The following TRRAP variants were observed in gnomAD, a reference collection of about 807,000 sequenced individuals.
TRRAP encodes the protein transformation/transcription domain-associated protein.
Under a neutral mutation model 438.8 loss-of-function variants are expected in TRRAP, and 41 were observed. That is an observed-to-expected ratio of 0.09 (90% confidence interval 0.07 to 0.12). The LOEUF (loss-of-function observed/expected upper bound fraction) is 0.12, where lower values mean the gene tolerates loss of function less well. Ranked by LOEUF, TRRAP falls within the 10% of genes least tolerant of loss-of-function variation. TRRAP has a pLI of 1.00. For synonymous variants in TRRAP, 1,994 were observed against 1,962.9 expected (o/e 1.02, Z -0.42); for missense variants, 3,122 against 5,055.1 (o/e 0.62, Z 11.60).
intron 65 of TRRAP, 141 bp downstream of exon 65, chr7:98,992,368 C>T (rs1419483996): frequency 1.2e-6 from 1 of 804,726 alleles, no homozygotes; most frequent in Non-Finnish European, 2.0e-6. Context: ...GTGGGCAGCA[C>T]CGTAGGGCAG....
chr7:98,905,593 G>A (rs1293814741), intron 12 of TRRAP, among the ~76,000 whole-genome samples: 1 of 152,188 alleles, frequency 6.6e-6, no homozygotes, highest in African/African-American at 2.4e-5. Context: ...GACGCAGAGA[G>A]TAAGTTTAGG....
intron 3 of TRRAP, among the ~76,000 whole-genome samples, chr7:98,889,559 AAAAAT>A (rs1381046071): frequency 2.0e-5 from 3 of 148,248 alleles, no homozygotes; most frequent in Non-Finnish European, 3.0e-5. Flanking sequence ...TTTTTTTAAA[AAAAAT>A]AGAGACAGGA....
Position 98,967,546 on chromosome 7 carries a change from C to G in TRRAP, c.7360C>G (p.Leu2454Val). The G allele has an allele frequency of 6.2e-7, 1 of 1,614,116 alleles. No individual in the cohort carries two copies. The highest frequency in any genetic ancestry group is 8.5e-7 in the Non-Finnish European group (1 of 1,180,026). The change falls in exon 51 of 73, where the codon CTG becomes GTG. Residue 2454 changes from leucine (L) to valine (V), a missense_variant. Coordinates refer to ENST00000456197, the MANE Select transcript of TRRAP (RefSeq NM_001375524.1). The part of the protein sequence containing the change: ...AKLEPAFLSG[L>V]RCAQPLIRAK... ...ACTTGAGCCTGCCTTTCTCTCTGGG[C>G]TGCGCTGTGCCCAGCCACTCATCAG...
chr7:98,962,620 C>T lies in TRRAP; in HGVS notation c.6829+193C>T, dbSNP rs160385. ...TAGACTGCATCCCCCTTCGCCGATG[C>T]TTGCTCTGTGCTCCCTCCTCAGCTT... On this transcript the variant is annotated intron_variant, in intron 47 of 72. Coordinates refer to ENST00000456197, the MANE Select transcript of TRRAP (RefSeq NM_001375524.1). Among the ~76,000 whole-genome samples, 22,771 of 152,268 alleles carry T rather than the reference C, an allele frequency of 0.15. 5,364 individuals carry two copies. Among genetic ancestry groups the T allele is most frequent in the African/African-American group, 0.5 (20,863 of 41,504 alleles).
At chr7:98,966,980 A>T (rs1792186944) in intron 49 of TRRAP, 61 bp from the exon 50 acceptor site, 7 of 1,545,508 alleles carry the variant, frequency 4.5e-6, no homozygotes, top group Non-Finnish European at 8.7e-7. Context: ...AGGAGCTTAA[A>T]AAATACTAGA....
chr7:98,916,033 G>A (rs1240881065), intron 19 of TRRAP, 145 bp downstream of exon 19: 3 of 1,110,346 alleles, frequency 2.7e-6, no homozygotes, highest in South Asian at 1.6e-5. Context: ...CCGCCCCCCT[G>A]CCCCCCTCCC....
In TRRAP at chr7:98,927,340, C is replaced by T. The variant is rs782477742; in HGVS notation, c.3149C>T (p.Thr1050Met). ...GTCGCCAGCTTGATCCGCCACTATA[C>T]GATGGTGGCAGTCGCCCAGCAGTGT... is the stretch of plus-strand genomic sequence containing the variant. Reference protein sequence around the residue: ...PFVASLIRHYTMVAVAQQCGP... With the variant: ...PFVASLIRHYMMVAVAQQCGP... The change falls in exon 23 of 73, where the codon ACG (threonine) becomes ATG (methionine). Residue 1050 changes from threonine (T) to methionine (M), a missense_variant. Physicochemically the swap from Thr to Met is moderately conservative, Grantham distance 81 (BLOSUM62 -1). Around this residue, in one of 24 missense-constraint regions of TRRAP, gnomAD observed 54 missense variants for 74.6 expected, o/e 0.72. Coordinates refer to ENST00000456197, the MANE Select transcript of TRRAP (RefSeq NM_001375524.1). 2.5e-6 allele frequency: 4 copies of T among 1,614,176 alleles called. No individual in the cohort carries two copies. The highest frequency in any genetic ancestry group is 1.1e-5 in the South Asian group (1 of 91,090).
intron 65 of TRRAP, among the ~76,000 whole-genome samples, chr7:98,993,199 T>C (rs1034692546): frequency 6.6e-6 from 1 of 152,216 alleles, no homozygotes; most frequent in African/African-American, 2.4e-5. Flanking sequence ...AACAGAAACG[T>C]TAAAAGGAGT....
intron 67 of TRRAP, among the ~76,000 whole-genome samples, chr7:99,001,386 C>T (rs914858296): frequency 3.9e-5 from 6 of 152,138 alleles, no homozygotes; most frequent in African/African-American, 1.4e-4. Context: ...CTTCTGAGAA[C>T]GGAAGAGTCC....
In TRRAP at chr7:98,948,797, T is replaced by C. The variant is rs1791199205; in HGVS notation, c.4788+112T>C. On this transcript the variant is annotated intron_variant, in intron 35 of 72. Transcript: ENST00000456197. This position sits in a 1 kb window ranked among gnomAD's most constrained non-coding sequence, Gnocchi z 4.9. The stretch of plus-strand genomic sequence containing the variant: ...ATTCAGTGTCCTGGCTGCTTTTTTT[T>C]CAGATCCATTTGAATATTGGAAACA... 1.4e-5 allele frequency: 22 copies of C among 1,527,678 alleles called. No homozygotes were observed. Among genetic ancestry groups the C allele is most frequent in the Non-Finnish European group, 1.9e-5 (22 of 1,134,398 alleles). 94.6% of individuals were successfully genotyped at this position (1,527,678 alleles called of 1,614,324 possible). A position where few individuals can be genotyped will look rare whatever the true frequency, so the allele number is the denominator to read the frequency against.
intron 45 of TRRAP, among the ~76,000 whole-genome samples, chr7:98,959,936 T>TGAAAAAAAAA (rs1483906654): frequency 2.4e-4 from 27 of 112,640 alleles, no homozygotes; most frequent in African/African-American, 1.0e-3. Context: ...CCTGGTCTCT[T>TGAAAAAAAAA]AAAAAAAAAA....
intron 67 of TRRAP, chr7:98,998,535 A>G: frequency 5.2e-6 from 1 of 191,984 alleles, no homozygotes. Context: ...GTAGTTAACT[A>G]GTCTTCAATC....
chr7:98,879,818 A>G (rs1795336402), intron 1 of TRRAP, among the ~76,000 whole-genome samples: 1 of 152,158 alleles, frequency 6.6e-6, no homozygotes, highest in Non-Finnish European at 1.5e-5. Flanking sequence ...GAGTGGCCGG[A>G]AGGAGCTCTC....
chr7:98,886,798 C>G (rs1038820466), intron 3 of TRRAP, among the ~76,000 whole-genome samples: 2 of 152,178 alleles, frequency 1.3e-5, no homozygotes, highest in Non-Finnish European at 2.9e-5. Flanking sequence ...AATAAACCCT[C>G]AGGTTAGGAA....
chr7:98,959,572 T>C lies in TRRAP; in HGVS notation c.6489+82T>C, dbSNP rs545359272. 8 of 1,548,808 alleles carry C rather than the reference T, an allele frequency of 5.2e-6. No homozygotes were observed. The South Asian group carries it at 8.7e-5, about 17-fold the overall frequency. On this transcript the variant is annotated intron_variant, in intron 45 of 72. Coordinates refer to ENST00000456197, the MANE Select transcript of TRRAP (RefSeq NM_001375524.1). ...TGTCACCTGGGCAGGGACTGGACAT[T>C]TGTGGATCACTCTGACCCTTATGCC... is the stretch of plus-strand genomic sequence containing the variant.
intron 7 of TRRAP, among the ~76,000 whole-genome samples, chr7:98,897,087 T>C (rs1266802931): frequency 6.6e-6 from 1 of 151,984 alleles, no homozygotes; most frequent in Non-Finnish European, 1.5e-5. Flanking sequence ...ATACAAAAAT[T>C]AGCCAAGCAT....
At chr7:98,983,978 C>T in intron 60 of TRRAP, 115 bp from the exon 61 acceptor site, 1 of 1,318,530 alleles carries the variant, frequency 7.6e-7, no homozygotes, top group Non-Finnish European at 1.0e-6. Context: ...TATCACAGAG[C>T]TGCCCATTTT....
At chr7:98,894,634 G>A (rs75717460) in intron 6 of TRRAP, among the ~76,000 whole-genome samples, 1,838 of 135,550 alleles carry the variant, frequency 0.014, 39 homozygotes, top group African/African-American at 0.045. Flanking sequence ...TTTTTTTTTA[G>A]ATGAGTCTTC....
rs138544990 is a variant in TRRAP at position 98,973,725 on chromosome 7, C to T, written c.7839+1780C>T. On this transcript the variant is annotated intron_variant, in intron 53 of 72. Coordinates refer to ENST00000456197, the MANE Select transcript of TRRAP (RefSeq NM_001375524.1). ...TGTAAGAGGATTGCTCAGGCCGGAG[C>T]TGCAGACGTCAGCCATACTGTTCCC... Among the ~76,000 whole-genome samples, 18 of 152,318 alleles carry T rather than the reference C, an allele frequency of 1.2e-4. 1 individual carries two copies. Among genetic ancestry groups the T allele is most frequent in the Admixed American group, 4.6e-4 (7 of 15,304 alleles).
Sources: gnomAD v4.1 joint callset for allele counts (sites outside exome capture counted in the v4.1 genomes callset) on GRCh38, gnomAD v4.1.1 for gene constraint, gnomAD v4.1.1 regional missense constraint, Gnocchi (gnomAD v3.1) non-coding constraint, MANE v1.5 for transcripts, NCBI Gene and HGNC (gene_info 2026-07-23, HGNC 2026-07-21) for gene names.